COL25A1: variants seen among roughly 807,000 people sequenced by gnomAD.
The protein encoded by COL25A1 is collagen alpha-1(XXV) chain.
Under a neutral mutation model 128.4 loss-of-function variants are expected in COL25A1, and 103 were observed. The observed-to-expected ratio is 0.80, with a 90% CI of 0.68 to 0.94. The LOEUF (loss-of-function observed/expected upper bound fraction) is 0.94. Ranked by LOEUF, COL25A1 falls within the 40% of genes least tolerant of loss-of-function variation. The pLI is 0.00. For missense variants in COL25A1, 745 were observed against 840.0 expected (o/e 0.89, Z 1.40); for synonymous variants, 279 against 277.2 (o/e 1.01, Z -0.06).
At chr4:108,822,040 G>C (rs1731822582) in intron 35 of COL25A1, among the ~76,000 whole-genome samples, 1 of 23,100 alleles carries the variant, frequency 4.3e-5, no homozygotes, top group African/African-American at 1.8e-4. Flanking sequence ...CCTCCTAATG[G>C]TAATTTTTTT....
At chr4:109,276,745 G>A (rs909724367) in intron 3 of COL25A1, among the ~76,000 whole-genome samples, 1 of 152,080 alleles carries the variant, frequency 6.6e-6, no homozygotes, top group Non-Finnish European at 1.5e-5. Context: ...CAATGATGGC[G>A]AGCCCACCAC....
intron 3 of COL25A1, among the ~76,000 whole-genome samples, chr4:109,199,179 A>T (rs1193288935): frequency 6.6e-6 from 1 of 152,156 alleles, no homozygotes; most frequent in Non-Finnish European, 1.5e-5. Flanking sequence ...ATGTTTTATA[A>T]TTTTACTTAT....
intron 3 of COL25A1, among the ~76,000 whole-genome samples, chr4:109,135,159 G>A (rs559616957): frequency 2.0e-5 from 3 of 151,976 alleles, no homozygotes; most frequent in Non-Finnish European, 4.4e-5. Flanking sequence ...TGGGCCCTCT[G>A]GCTTTTGGTA....
intron 3 of COL25A1, among the ~76,000 whole-genome samples, chr4:109,210,875 A>G (rs1289665528): frequency 6.6e-6 from 1 of 152,114 alleles, no homozygotes; most frequent in Non-Finnish European, 1.5e-5. Context: ...TTGCAGCAAC[A>G]CGGATGGTGC....
chr4:109,138,961 C>T (rs1035472129), intron 3 of COL25A1, among the ~76,000 whole-genome samples: 4 of 152,170 alleles, frequency 2.6e-5, no homozygotes, highest in Non-Finnish European at 4.4e-5. Flanking sequence ...CCCACCTCGG[C>T]CTCCCAAAGT....
chr4:109,242,913 TAAG>T (rs1779994438), intron 3 of COL25A1, among the ~76,000 whole-genome samples: 1 of 152,104 alleles, frequency 6.6e-6, no homozygotes, highest in African/African-American at 2.4e-5. Context: ...GTATATGTAT[TAAG>T]AACACCTAAA....
chr4:108,828,742 G>A (rs1305899463), intron 32 of COL25A1, among the ~76,000 whole-genome samples: 1 of 152,148 alleles, frequency 6.6e-6, no homozygotes, highest in African/African-American at 2.4e-5. Context: ...TTTTATATGA[G>A]TAGCCAAACA....
intron 3 of COL25A1, among the ~76,000 whole-genome samples, chr4:109,293,242 CCTAA>C (rs1468295755): frequency 1.3e-5 from 2 of 151,956 alleles, no homozygotes; most frequent in African/African-American, 4.8e-5. Flanking sequence ...CCTCTGGCTC[CCTAA>C]CTATTGTCCA....
At chr4:108,980,753 C>T (rs759623223) in intron 6 of COL25A1, among the ~76,000 whole-genome samples, 1 of 152,180 alleles carries the variant, frequency 6.6e-6, no homozygotes. Flanking sequence ...TGGAATTACT[C>T]TATTTTAAAC....
At chr4:108,972,167 A>G (rs962963660) in intron 8 of COL25A1, among the ~76,000 whole-genome samples, 1 of 152,184 alleles carries the variant, frequency 6.6e-6, no homozygotes, top group African/African-American at 2.4e-5. Context: ...TGGAGTTCAC[A>G]TTGTTATTTA....
chr4:109,270,087 T>C (rs923013059), intron 3 of COL25A1, among the ~76,000 whole-genome samples: 2 of 152,054 alleles, frequency 1.3e-5, no homozygotes, highest in African/African-American at 2.4e-5. Context: ...ATAAGAGCTA[T>C]CTATGACAAA....
At chr4:109,083,447 A>ATTTTTT in intron 3 of COL25A1, among the ~76,000 whole-genome samples, 1 of 124,374 alleles carries the variant, frequency 8.0e-6, no homozygotes, top group Admixed American at 9.5e-5. Context: ...ACACTAAATA[A>ATTTTTT]ATTTTTTTTT....
intron 31 of COL25A1, among the ~76,000 whole-genome samples, chr4:108,832,872 G>A (rs1420934599): frequency 6.6e-6 from 1 of 151,842 alleles, no homozygotes; most frequent in Non-Finnish European, 1.5e-5. Context: ...ATGGTGACGG[G>A]TGCCTGCATT....
In COL25A1 at chr4:109,047,728, CTTTTTTTTTT is replaced by C. The variant is rs59105153; in HGVS notation, c.420+430_420+439del. On this transcript the variant is annotated intron_variant, in intron 5 of 37. Transcript: ENST00000399132. ...TAATTTTCCAAACTTTAAGTATACT[CTTTTTTTTTT>C]TTTTTTTTTTTTTAGACAGAGTCTC... 5.0e-3 allele frequency among the ~76,000 whole-genome samples: 665 copies of C among 132,184 alleles called. 4 individuals carry two copies. The highest frequency in any genetic ancestry group is 7.3e-3 in the Non-Finnish European group (450 of 61,418). The allele number at this position is 132,184 out of a possible 152,430, so 86.7% of individuals were successfully genotyped here.
chr4:108,938,554 A>G (rs2125924835), intron 10 of COL25A1, among the ~76,000 whole-genome samples: 1 of 152,290 alleles, frequency 6.6e-6, no homozygotes, highest in South Asian at 2.1e-4. Flanking sequence ...TAGCCACTGC[A>G]CTACAGCTTG....
intron 5 of COL25A1, among the ~76,000 whole-genome samples, chr4:109,011,791 G>T (rs1437283135): frequency 6.6e-6 from 1 of 152,146 alleles, no homozygotes; most frequent in Non-Finnish European, 1.5e-5. Flanking sequence ...ATCAACTATG[G>T]TACAAGAGCA....
intron 3 of COL25A1, among the ~76,000 whole-genome samples, chr4:109,087,242 G>GAAA (rs988775737): frequency 1.4e-5 from 2 of 143,730 alleles, no homozygotes; most frequent in African/African-American, 5.1e-5. Context: ...CTTTTAGCGT[G>GAAA]AAAAAAAAAA....
At chr4:109,037,950 A>G (rs1021574222) in intron 5 of COL25A1, among the ~76,000 whole-genome samples, 2 of 152,238 alleles carry the variant, frequency 1.3e-5, no homozygotes, top group Non-Finnish European at 2.9e-5. Context: ...GGTTATATAC[A>G]TGGAATATGA....
At chr4:109,240,130 G>C (rs999364096) in intron 3 of COL25A1, among the ~76,000 whole-genome samples, 1 of 151,958 alleles carries the variant, frequency 6.6e-6, no homozygotes, top group Non-Finnish European at 1.5e-5. Flanking sequence ...TAATAAGTAG[G>C]GGAGCAGTCT....
Sources: gnomAD v4.1 joint callset for allele counts (sites outside exome capture counted in the v4.1 genomes callset) on GRCh38, gnomAD v4.1.1 for gene constraint, MANE v1.5 for transcripts, NCBI Gene and HGNC (gene_info 2026-07-23, HGNC 2026-07-21) for gene names.